LRRTM4: variants seen among roughly 807,000 people sequenced by gnomAD.
LRRTM4 encodes leucine-rich repeat transmembrane neuronal protein 4.
LRRTM4 carries 25 observed loss-of-function variants against 47.6 expected under a neutral mutation model. The observed-to-expected ratio is 0.53, with a 90% CI of 0.38 to 0.73. LRRTM4 has a LOEUF of 0.73. Ranked by LOEUF, LRRTM4 falls within the 30% of genes least tolerant of loss-of-function variation. The pLI, the probability that LRRTM4 is intolerant of heterozygous loss-of-function variation, is 0.00. For missense variants in LRRTM4, 638 were observed against 713.4 expected, an observed-to-expected ratio of 0.89 and a Z score of 1.20; for synonymous variants, 311 against 269.5, an observed-to-expected ratio of 1.15 and a Z score of -1.51.
At chr2:77,022,743 G>A (rs1678318562) in intron 3 of LRRTM4, among the ~76,000 whole-genome samples, 1 of 152,190 alleles carries the variant, frequency 6.6e-6, no homozygotes, top group African/African-American at 2.4e-5. Flanking sequence ...GGTTCCCATG[G>A]TCTTGGGCAG....
At chr2:76,891,890 T>A (rs1673267005) in intron 3 of LRRTM4, among the ~76,000 whole-genome samples, 1 of 151,446 alleles carries the variant, frequency 6.6e-6, no homozygotes. Flanking sequence ...TGACAAAAAA[T>A]GGCAAAAGTC....
intron 3 of LRRTM4, among the ~76,000 whole-genome samples, chr2:77,130,849 T>A (rs1373431971): frequency 8.5e-6 from 1 of 117,804 alleles, no homozygotes; most frequent in Non-Finnish European, 1.7e-5. Flanking sequence ...TTTTTTTTTT[T>A]TTTGAGACGG....
intron 3 of LRRTM4, among the ~76,000 whole-genome samples, chr2:77,345,859 C>A (rs1671541907): frequency 6.6e-6 from 1 of 151,256 alleles, no homozygotes; most frequent in Non-Finnish European, 1.5e-5. Flanking sequence ...TATACACAGA[C>A]ACACACATAT....
chr2:77,151,785 T>TTTG (rs57816885), intron 3 of LRRTM4, among the ~76,000 whole-genome samples: 171 of 151,588 alleles, frequency 1.1e-3, no homozygotes, highest in African/African-American at 3.7e-3. Context: ...AAAGATCTTG[T>TTTG]TTGTTGTTGT....
At chr2:77,477,764 G>A (rs1287567756) in intron 3 of LRRTM4, among the ~76,000 whole-genome samples, 6 of 150,454 alleles carry the variant, frequency 4.0e-5, no homozygotes, top group Non-Finnish European at 8.9e-5. Context: ...CCTTGAACCC[G>A]GGAGGTAGAG....
chr2:77,098,473 C>G (rs1670867433), intron 3 of LRRTM4, among the ~76,000 whole-genome samples: 1 of 151,950 alleles, frequency 6.6e-6, no homozygotes, highest in African/African-American at 2.4e-5. Flanking sequence ...AATTAGATAT[C>G]TACCTCCTAC....
chr2:76,774,597 T>C (rs544979117), intron 3 of LRRTM4, among the ~76,000 whole-genome samples: 2 of 152,292 alleles, frequency 1.3e-5, no homozygotes, highest in South Asian at 4.1e-4. Context: ...TATCTTCACA[T>C]TGAGTAGGCT....
Position 77,519,802 on chromosome 2 carries a change from G to A in LRRTM4, c.67C>T (p.Leu23=). Residue 23 remains leucine (L), a synonymous_variant, in exon 3 of 4, where the codon CTG becomes TTG. Transcript: ENST00000409884. This position sits in a 1 kb window ranked among gnomAD's most constrained non-coding sequence, Gnocchi z 4.6. ...TGAGCACCCGTGAGCATAACAAGCA[G>A]CAGTGTAGGAAGTAGCACCAGCACC... ...SVVLVLLPTL[L]LVMLTGAQRA... 6.2e-7 allele frequency: 1 copy of A among 1,613,000 alleles called. No individual in the cohort carries two copies. The highest frequency in any genetic ancestry group is 8.5e-7 in the Non-Finnish European group (1 of 1,179,440).
At position 77,310,256 on chromosome 2, in the gene LRRTM4, TC is replaced by T. The variant is rs1375804891; in HGVS notation, c.1551+208061del. 3.9e-5 allele frequency among the ~76,000 whole-genome samples: 6 copies of T among 152,256 alleles called. No individual in the cohort carries two copies. The East Asian group carries it at 9.6e-4, about 24-fold the overall frequency. On this transcript the variant is annotated intron_variant, in intron 3 of 3. Coordinates refer to ENST00000409884, the MANE Select transcript of LRRTM4 (RefSeq NM_001134745.3). ...TATCTCTACTAGGATTATTAATGAC[TC>T]CTTTTTGTCATAATTATCTGTTTTT...
At chr2:77,142,108 A>C in intron 3 of LRRTM4, among the ~76,000 whole-genome samples, 1 of 152,314 alleles carries the variant, frequency 6.6e-6, no homozygotes. Flanking sequence ...TAACAGCTGT[A>C]GGTTTTATAG....
At chr2:77,087,466 G>C (rs568550229) in intron 3 of LRRTM4, among the ~76,000 whole-genome samples, 2 of 152,208 alleles carry the variant, frequency 1.3e-5, no homozygotes, top group African/African-American at 4.8e-5. Context: ...AATTTCCCAG[G>C]TTGGTAGTAA....
chr2:76,873,507 T>TGTATATATATATATAC (rs371406111), intron 3 of LRRTM4, among the ~76,000 whole-genome samples: 11 of 21,648 alleles, frequency 5.1e-4, no homozygotes, highest in Admixed American at 1.6e-3. Flanking sequence ...TATATGTGTG[T>TGTATATATATATATAC]ATATATATAT....
At chr2:76,872,244 T>C (rs1672644110) in intron 3 of LRRTM4, among the ~76,000 whole-genome samples, 1 of 152,130 alleles carries the variant, frequency 6.6e-6, no homozygotes, top group Admixed American at 6.6e-5. Context: ...AAGGATACGT[T>C]AAAATCAGAA....
At chr2:76,782,638 G>A (rs1298672863) in intron 3 of LRRTM4, among the ~76,000 whole-genome samples, 1 of 151,990 alleles carries the variant, frequency 6.6e-6, no homozygotes, top group Non-Finnish European at 1.5e-5. Flanking sequence ...ACGGGTCTGT[G>A]CTTTTTTGCT....
At chr2:77,181,454 A>G (rs1673344241) in intron 3 of LRRTM4, among the ~76,000 whole-genome samples, 2 of 152,166 alleles carry the variant, frequency 1.3e-5, no homozygotes, top group African/African-American at 4.8e-5. Context: ...AAAGCAACAA[A>G]TGACTTAGAA....
chr2:77,293,879 C>T (rs549735599), intron 3 of LRRTM4, among the ~76,000 whole-genome samples: 138 of 152,124 alleles, frequency 9.1e-4, no homozygotes, highest in Non-Finnish European at 8.7e-4. Context: ...AGCCTATGGT[C>T]CCTGAATGAC....
intron 3 of LRRTM4, among the ~76,000 whole-genome samples, chr2:77,510,878 C>T (rs567290094): frequency 3.3e-5 from 5 of 152,090 alleles, no homozygotes; most frequent in African/African-American, 9.6e-5. Context: ...AGTTACTCTA[C>T]GTCTGACCAT....
At chr2:77,249,883 G>A (rs778687099) in intron 3 of LRRTM4, among the ~76,000 whole-genome samples, 3 of 152,104 alleles carry the variant, frequency 2.0e-5, no homozygotes, top group African/African-American at 7.2e-5. Context: ...TTTCTAGAAG[G>A]TTTATTCATA....
intron 3 of LRRTM4, among the ~76,000 whole-genome samples, chr2:77,057,519 G>A (rs1198971000): frequency 6.6e-6 from 1 of 152,130 alleles, no homozygotes; most frequent in Middle Eastern, 3.2e-3. Flanking sequence ...TGCAGCAGTG[G>A]TGAATTTTAC....
Sources: gnomAD v4.1 joint callset for allele counts (sites outside exome capture counted in the v4.1 genomes callset) on GRCh38, gnomAD v4.1.1 for gene constraint, Gnocchi (gnomAD v3.1) non-coding constraint, MANE v1.5 for transcripts, NCBI Gene and HGNC (gene_info 2026-07-23, HGNC 2026-07-21) for gene names.